Variants in HOGA1 observed in about 807,000 individuals in gnomAD.
HOGA1 encodes the protein 4-hydroxy-2-oxoglutarate aldolase 1.
A neutral mutation model predicts 34.3 loss-of-function variants in HOGA1; 30 were observed. The ratio of observed to expected loss-of-function variants is 0.87; its 90% CI spans 0.65 to 1.19. The LOEUF (loss-of-function observed/expected upper bound fraction) is 1.19. HOGA1 is among the 50% of genes most tolerant of loss of function. HOGA1 has a pLI of 0.00. For missense variants in HOGA1, 417 were observed against 436.5 expected, an observed-to-expected ratio of 0.96 and a Z score of 0.40; for synonymous variants, 161 against 174.0, an observed-to-expected ratio of 0.93 and a Z score of 0.59.
chr10:97,607,102 T>G (rs1471638686), intron 6 of HOGA1, among the ~76,000 whole-genome samples: 3 of 103,324 alleles, frequency 2.9e-5, no homozygotes, highest in African/African-American at 1.2e-4. Flanking sequence ...AGACCCCATC[T>G]CTTAAAAAAA....
Position 97,601,840 on chromosome 10 carries a change from C to T in HOGA1, c.701-17C>T, listed in dbSNP as rs536915735. On this transcript the variant is annotated splice_polypyrimidine_tract_variant and intron_variant, in intron 5 of 6. Coordinates refer to ENST00000370646, the MANE Select transcript of HOGA1 (RefSeq NM_138413.4). ...GGGAGAGGCTCTGGCTGATGTTCTGCGTCTTACTTCGTGCAGGAGCTGTGG... is the reference window on the plus strand; with the variant it reads ...GGGAGAGGCTCTGGCTGATGTTCTGTGTCTTACTTCGTGCAGGAGCTGTGG... 7.1e-5 allele frequency: 115 copies of T among 1,610,684 alleles called. No individual in the cohort carries two copies. The highest frequency in any genetic ancestry group is 6.3e-4 in the South Asian group (57 of 90,968).
intron 1 of HOGA1, among the ~76,000 whole-genome samples, chr10:97,593,029 CAA>C (rs1169191059): frequency 0.033 from 1,553 of 47,732 alleles, 10 homozygotes; most frequent in Middle Eastern, 0.11. Context: ...GACTCTGTCT[CAA>C]AAAAAAAAAA....
At chr10:97,590,000 A>T in intron 1 of HOGA1, 2 of 1,614,176 alleles carry the variant, frequency 1.2e-6, no homozygotes, top group Non-Finnish European at 1.7e-6. Flanking sequence ...TGAAAGCTGG[A>T]TTAAATCCCA....
chr10:97,588,224 G>C (rs1489818209), intron 1 of HOGA1, among the ~76,000 whole-genome samples: 1 of 132,820 alleles, frequency 7.5e-6, no homozygotes, highest in Non-Finnish European at 1.6e-5. Flanking sequence ...TTGTGATGGA[G>C]TCTTGCTCTG....
chr10:97,598,782 G>A lies in HOGA1; in HGVS notation c.219G>A (p.Val73=). 6.2e-7 allele frequency: 1 copy of A among 1,614,214 alleles called. No homozygotes were observed. Among genetic ancestry groups the A allele is most frequent in the Non-Finnish European group, 8.5e-7 (1 of 1,180,036 alleles). The change falls in exon 2 of 7, where the codon GTG becomes GTA. Residue 73 remains valine, a synonymous_variant. Transcript: ENST00000370646. The stretch of plus-strand genomic sequence containing the variant: ...CAGCTGTGTCTCTTGCAGGCTTCGT[G>A]GTCCAGGGCTCCAATGGCGAGTTTC... ...KLGTFPFRGF[V]VQGSNGEFPF...
rs2041197483 is a variant in HOGA1 at position 97,611,692 on chromosome 10, A to G, written c.*33A>G. 1 of 1,600,888 alleles carries G rather than the reference A, an allele frequency of 6.2e-7. No homozygotes were observed. The highest frequency in any genetic ancestry group is 2.2e-5 in the East Asian group (1 of 44,676). Reference sequence around the variant, plus strand: ...CAGGGTCCATGGCTGGCCTGAGCCCATCTCAGCCTCCTGCCTTGCACTTGC... The same window carrying G: ...CAGGGTCCATGGCTGGCCTGAGCCCGTCTCAGCCTCCTGCCTTGCACTTGC... On this transcript the variant is annotated 3_prime_UTR_variant, in exon 7 of 7. Coordinates refer to ENST00000370646, the MANE Select transcript of HOGA1 (RefSeq NM_138413.4).
At chr10:97,594,336 T>G (rs1392355049) in intron 1 of HOGA1, among the ~76,000 whole-genome samples, 2 of 151,418 alleles carry the variant, frequency 1.3e-5, no homozygotes, top group Non-Finnish European at 2.9e-5. Context: ...CCTCCATGCT[T>G]GGCTAATTTT....
rs933057 is a variant in HOGA1, at chr10:97,611,972, A to C, written c.*313A>C. On this transcript the variant is annotated 3_prime_UTR_variant, in exon 7 of 7. Transcript: ENST00000370646. ...ACGCCCTGAGGCACATGAAGTCAGA[A>C]AGGAAGGGCAGAGGGGCAAGTAGGC... 89,972 of 348,926 alleles carry C rather than the reference A, an allele frequency of 0.26. 13,458 individuals are homozygous for C. Among genetic ancestry groups the C allele is most frequent in the Non-Finnish European group, 0.31 (59,135 of 188,134 alleles). The allele number at this position is 348,926 out of a possible 1,614,324, so 21.6% of individuals were successfully genotyped here.
chr10:97,589,737 C>T, intron 1 of HOGA1: 1 of 650,686 alleles, frequency 1.5e-6, no homozygotes, highest in Non-Finnish European at 2.7e-6. Flanking sequence ...CCTTGGGGAG[C>T]CTGCCCTTTC....
chr10:97,598,742 T>C (rs750342337), intron 1 of HOGA1, 33 bp from the exon 2 acceptor site: 1 of 1,613,966 alleles, frequency 6.2e-7, no homozygotes. Context: ...CGGTAGAGGA[T>C]GGGAAGGAGT....
At position 97,598,819 on chromosome 10, in the gene HOGA1, A is replaced by G; in HGVS notation, c.256A>G (p.Ser86Gly). 1 of 1,614,138 alleles carries G rather than the reference A, an allele frequency of 6.2e-7. No individual in the cohort carries two copies. Among genetic ancestry groups the G allele is most frequent in the South Asian group, 1.1e-5 (1 of 91,068 alleles). Residue 86 changes from serine to glycine, a missense_variant, in exon 2 of 7, where the codon AGC becomes GGC. Physicochemically the swap from Ser to Gly is moderately conservative, Grantham distance 56. Coordinates refer to ENST00000370646, the MANE Select transcript of HOGA1 (RefSeq NM_138413.4). Reference sequence around the variant, plus strand: ...CAATGGCGAGTTTCCTTTCCTGACCAGCAGTGAGCGCCTCGAGGTGGTGAG... The same window carrying G: ...CAATGGCGAGTTTCCTTTCCTGACCGGCAGTGAGCGCCTCGAGGTGGTGAG... ...GSNGEFPFLTSSERLEVVSRV... is the reference protein window; with the variant it reads ...GSNGEFPFLTGSERLEVVSRV...
At position 97,611,779 on chromosome 10, in the gene HOGA1, C is replaced by T; in HGVS notation, c.*120C>T. 1 of 1,241,712 alleles carries T rather than the reference C, an allele frequency of 8.1e-7. No homozygotes were observed. Among genetic ancestry groups the T allele is most frequent in the Non-Finnish European group, 1.1e-6 (1 of 885,460 alleles). 76.9% of individuals were successfully genotyped at this position (1,241,712 alleles called of 1,614,324 possible). On this transcript the variant is annotated 3_prime_UTR_variant, in exon 7 of 7. Transcript: ENST00000370646. ...AGGCAGCGGGGAGCCGATAGAGGCT[C>T]CTTTGCCTGCTGTGGTCCTCCAGGC...
chr10:97,603,512 G>T lies in HOGA1; in HGVS notation c.834+1522G>T, dbSNP rs1008458147. ...CAAAATGCTGAGATTACAGGCATGAGCCACCATGACTGGCCTACTGTATAT... is the reference window on the plus strand; with the variant it reads ...CAAAATGCTGAGATTACAGGCATGATCCACCATGACTGGCCTACTGTATAT... On this transcript the variant is annotated intron_variant, in intron 6 of 6. Coordinates refer to ENST00000370646, the MANE Select transcript of HOGA1 (RefSeq NM_138413.4). This position sits in a 1 kb window ranked among gnomAD's most constrained non-coding sequence, Gnocchi z 4.5. Among the ~76,000 whole-genome samples the T allele has an allele frequency of 6.6e-6, 1 of 152,002 alleles. No homozygotes were observed. The highest frequency in any genetic ancestry group is 1.5e-5 in the Non-Finnish European group (1 of 67,990).
chr10:97,587,901 C>T (rs578013655), intron 1 of HOGA1, among the ~76,000 whole-genome samples: 1 of 152,154 alleles, frequency 6.6e-6, no homozygotes, highest in South Asian at 2.1e-4. Flanking sequence ...CCTCTGCCTC[C>T]TGGGACTAAA....
chr10:97,591,977 C>A (rs1171810574), intron 1 of HOGA1, among the ~76,000 whole-genome samples: 2 of 150,034 alleles, frequency 1.3e-5, no homozygotes, highest in Non-Finnish European at 3.0e-5. Context: ...TAGCTAAGGC[C>A]AAAGGCACAC....
At chr10:97,602,048 T>C (rs1015937548) in intron 6 of HOGA1, 58 bp downstream of exon 6, 30 of 1,571,680 alleles carry the variant, frequency 1.9e-5, no homozygotes, top group Middle Eastern at 1.7e-4. Flanking sequence ...TGTGTCCTCA[T>C]TGGAGCAGGA....
chr10:97,584,914 G>A lies in HOGA1; in HGVS notation c.211G>A (p.Gly71Ser). 1 of 1,613,748 alleles carries A rather than the reference G, an allele frequency of 6.2e-7. No individual in the cohort carries two copies. The highest frequency in any genetic ancestry group is 1.1e-5 in the South Asian group (1 of 91,044). The change falls in exon 1 of 7, where the codon GGC becomes AGC. Residue 71 changes from glycine to serine, a missense_variant and splice_region_variant. Transcript: ENST00000370646. ...CAAACTGGGCACCTTCCCCTTCCGA[G>A]GTAAGTGGGGCTGTCCTCTGTGGGA... ...LHKLGTFPFR[G>S]FVVQGSNGEF...
intron 1 of HOGA1, among the ~76,000 whole-genome samples, chr10:97,595,835 C>A (rs2041066325): frequency 6.6e-6 from 1 of 152,200 alleles, no homozygotes; most frequent in African/African-American, 2.4e-5. Flanking sequence ...GCTTTTTCCC[C>A]AGTCCCTGCT....
intron 1 of HOGA1, among the ~76,000 whole-genome samples, chr10:97,586,677 C>T (rs2040973677): frequency 6.6e-6 from 1 of 152,206 alleles, no homozygotes; most frequent in South Asian, 2.1e-4. Flanking sequence ...GTTTGCCTGA[C>T]ACCCAGAGAA....
Sources: gnomAD v4.1 joint callset for allele counts (sites outside exome capture counted in the v4.1 genomes callset) on GRCh38, gnomAD v4.1.1 for gene constraint, Gnocchi (gnomAD v3.1) non-coding constraint, MANE v1.5 for transcripts, NCBI Gene and HGNC (gene_info 2026-07-23, HGNC 2026-07-21) for gene names.